Variants in SERPINH1 observed in about 807,000 individuals in gnomAD.
The protein encoded by SERPINH1 is serpin family H member 1.
A neutral mutation model predicts 32.3 loss-of-function variants in SERPINH1; 22 were observed. The observed-to-expected ratio is 0.68, with a 90% CI of 0.49 to 0.97. The LOEUF (loss-of-function observed/expected upper bound fraction) is 0.97. Ranked by LOEUF, SERPINH1 falls within the 50% of genes least tolerant of loss-of-function variation. The probability of loss-of-function intolerance (pLI) is 0.00; values close to 1 mark genes in which losing one functional copy is unlikely to be tolerated. For missense variants in SERPINH1, 543 were observed against 576.4 expected (o/e 0.94, Z 0.59); for synonymous variants, 251 against 245.9 (o/e 1.02, Z -0.19).
intron 1 of SERPINH1, among the ~76,000 whole-genome samples, chr11:75,563,974 G>A (rs571588973): frequency 6.6e-6 from 1 of 152,346 alleles, no homozygotes; most frequent in Non-Finnish European, 1.5e-5. Flanking sequence ...TGGGCTGTGG[G>A]AGGCTGGCCT....
At chr11:75,565,174 G>A (rs1291390067) in intron 1 of SERPINH1, among the ~76,000 whole-genome samples, 1 of 152,204 alleles carries the variant, frequency 6.6e-6, no homozygotes, top group African/African-American at 2.4e-5. Flanking sequence ...TTGTCCTTGG[G>A]GCCACTGCTA....
chr11:75,570,629 G>T (rs1201776920), intron 4 of SERPINH1, among the ~76,000 whole-genome samples: 1 of 152,228 alleles, frequency 6.6e-6, no homozygotes, highest in East Asian at 1.9e-4. Flanking sequence ...CAGGACCTCA[G>T]GCCTAGTTCC....
intron 1 of SERPINH1, 102 bp from the exon 2 acceptor site, chr11:75,566,214 C>T (rs1592199659): frequency 3.8e-6 from 4 of 1,064,530 alleles, no homozygotes; most frequent in East Asian, 2.6e-5. Flanking sequence ...GGCTCTCTTG[C>T]CCCCATCTCC....
intron 1 of SERPINH1, among the ~76,000 whole-genome samples, chr11:75,564,185 C>T (rs1181401940): frequency 6.6e-6 from 1 of 152,270 alleles, no homozygotes; most frequent in Non-Finnish European, 1.5e-5. Flanking sequence ...GGAAGCCCCC[C>T]TCTGCCGGCC....
chr11:75,567,705 G>A (rs1942116042), intron 2 of SERPINH1: 1 of 152,340 alleles, frequency 6.6e-6, no homozygotes, highest in Non-Finnish European at 1.5e-5. Flanking sequence ...TCAGCAAGGA[G>A]GAAGCAGAGC....
Position 75,572,183 on chromosome 11 carries a change from T to A in SERPINH1, c.*100T>A. 1.4e-5 allele frequency: 16 copies of A among 1,138,372 alleles called. No homozygotes were observed. The highest frequency in any genetic ancestry group is 1.7e-5 in the Non-Finnish European group (13 of 776,608). 70.5% of individuals were successfully genotyped at this position (1,138,372 alleles called of 1,614,324 possible). A position where few individuals can be genotyped will look rare whatever the true frequency, so the allele number is the denominator to read the frequency against. On this transcript the variant is annotated 3_prime_UTR_variant, in exon 5 of 5. Coordinates refer to ENST00000358171, the MANE Select transcript of SERPINH1 (RefSeq NM_001235.5). ...GGGGAGGTGAGGTACCAGCCTTGGA[T>A]ACTCCATGGGGTGGGGGTGGAAAAA...
At chr11:75,569,379 A>G in intron 4 of SERPINH1, 1 of 590,374 alleles carries the variant, frequency 1.7e-6, no homozygotes. Flanking sequence ...ATATAACGGA[A>G]CATTCCTGTA....
chr11:75,569,450 T>G, intron 4 of SERPINH1: 2 of 298,620 alleles, frequency 6.7e-6, no homozygotes, highest in South Asian at 5.6e-5. Flanking sequence ...TGAGATGGAG[T>G]CTCACTCTGT....
rs375913094 is a variant in SERPINH1, at chr11:75,571,945, C to T, written c.1119C>T (p.Arg373=). 4.2e-4 allele frequency: 670 copies of T among 1,614,074 alleles called. No homozygotes were observed. The highest frequency in any genetic ancestry group is 5.5e-4 in the Non-Finnish European group (651 of 1,180,052). ...CCTTTGACCAGGACATCTACGGGCG[C>T]GAGGAGCTGCGCAGCCCCAAGCTGT... ...GNPFDQDIYG[R]EELRSPKLFY... The change falls in exon 5 of 5, where the codon CGC becomes CGT. Residue 373 remains arginine, a synonymous_variant. Transcript: ENST00000358171.
Position 75,572,100 on chromosome 11 carries a change from C to T in SERPINH1, c.*17C>T. ...GAGTTATAGGGCCTCAGGGTGCACA[C>T]AGGATGGCAGGAGGCATCCAAAGGC... On this transcript the variant is annotated 3_prime_UTR_variant, in exon 5 of 5. Coordinates refer to ENST00000358171, the MANE Select transcript of SERPINH1 (RefSeq NM_001235.5). 1.2e-6 allele frequency: 2 copies of T among 1,612,974 alleles called. No individual in the cohort carries two copies. The highest frequency in any genetic ancestry group is 1.7e-6 in the Non-Finnish European group (2 of 1,179,512).
At position 75,567,322 on chromosome 11, in the gene SERPINH1, T is replaced by A. The variant is rs1008604766; in HGVS notation, c.622+351T>A. Among the ~76,000 whole-genome samples the A allele has an allele frequency of 5.9e-5, 9 of 152,354 alleles. No homozygotes were observed. In the East Asian group the frequency reaches 1.5e-3, roughly 26 times the overall value. ...AGAGAAAGAACTCAAATCCTTTTTT[T>A]AAAATTATTTTTATTTTGAGATGGA... On this transcript the variant is annotated intron_variant, in intron 2 of 4. Transcript: ENST00000358171.
At position 75,569,099 on chromosome 11, in the gene SERPINH1, G is replaced by A. The variant is rs759715144; in HGVS notation, c.882G>A (p.Met294Ile). ...LLTKEQLKIW[M>I]GKMQKKAVAI... is the part of the protein sequence containing the mutation. ...CCAAAGAGCAGCTGAAGATCTGGAT[G>A]GGGAAGATGCAGAAGAAGGCTGTTG... Residue 294 changes from methionine to isoleucine, a missense_variant, in exon 4 of 5, where the codon ATG becomes ATA. By Grantham distance (10) the Met-to-Ile change is conservative. This residue lies in a region of SERPINH1 where 427 missense variants were observed against 446.4 expected (regional missense o/e 0.96). Transcript: ENST00000358171. 6.2e-7 allele frequency: 1 copy of A among 1,614,220 alleles called. No individual in the cohort carries two copies. Among genetic ancestry groups the A allele is most frequent in the Non-Finnish European group, 8.5e-7 (1 of 1,180,010 alleles).
chr11:75,566,400 G>A lies in SERPINH1; in HGVS notation c.51G>A (p.Leu17=), dbSNP rs1320836204. 6.2e-7 allele frequency: 1 copy of A among 1,610,562 alleles called. No individual in the cohort carries two copies. The highest frequency in any genetic ancestry group is 8.5e-7 in the Non-Finnish European group (1 of 1,179,190). Residue 17 remains leucine, a synonymous_variant, in exon 2 of 5, where the codon CTG becomes CTA. Coordinates refer to ENST00000358171, the MANE Select transcript of SERPINH1 (RefSeq NM_001235.5). ...LSAFCLLEAA[L]AAEVKKPAAA... is the part of the protein sequence containing the mutation. ...CCTTCTGCCTCCTGGAGGCGGCCCTGGCCGCCGAGGTGAAGAAACCTGCAG... is the reference window on the plus strand; with the variant it reads ...CCTTCTGCCTCCTGGAGGCGGCCCTAGCCGCCGAGGTGAAGAAACCTGCAG...
Position 75,569,153 on chromosome 11 carries a change from G to A in SERPINH1, c.936G>A (p.Glu312=), listed in dbSNP as rs1417965468. 1 of 1,610,790 alleles carries A rather than the reference G, an allele frequency of 6.2e-7. No individual in the cohort carries two copies. The highest frequency in any genetic ancestry group is 1.7e-5 in the Admixed American group (1 of 59,436). ...VAISLPKGVV[E]VTHDLQKHLA... ...TCTCCTTGCCCAAGGGTGTGGTGGA[G>A]GTGACCCATGACCTGCAGGTAAGGG... The change falls in exon 4 of 5, where the codon GAG becomes GAA. Residue 312 remains glutamate, a synonymous_variant. Transcript: ENST00000358171.
intron 4 of SERPINH1, among the ~76,000 whole-genome samples, chr11:75,570,932 G>A (rs552241607): frequency 4.6e-5 from 7 of 152,290 alleles, no homozygotes; most frequent in African/African-American, 1.7e-4. Flanking sequence ...GGCCATCCAG[G>A]ATATAAGCTG....
Position 75,566,968 on chromosome 11 carries a change from A to C in SERPINH1, c.619A>C (p.Lys207Gln). ...GALLVNAMFF[K>Q]PHWDEKFHHK... is the part of the protein sequence containing the mutation. ...CCTGCTAGTCAACGCCATGTTCTTC[A>C]AGCGTGAGTCGGGGGCGCGTTCAGG... The change falls in exon 2 of 5, where the codon AAG becomes CAG. Residue 207 changes from lysine to glutamine, a missense_variant. Lys to Gln is a moderately conservative substitution (Grantham distance 53). Coordinates refer to ENST00000358171, the MANE Select transcript of SERPINH1 (RefSeq NM_001235.5). 6.3e-7 allele frequency: 1 copy of C among 1,596,608 alleles called. No homozygotes were observed. Among genetic ancestry groups the C allele is most frequent in the South Asian group, 1.1e-5 (1 of 90,968 alleles).
intron 2 of SERPINH1, 122 bp from the exon 3 acceptor site, chr11:75,568,609 A>G (rs1028515956): frequency 4.1e-6 from 3 of 723,194 alleles, no homozygotes; most frequent in African/African-American, 3.5e-5. Flanking sequence ...TGGGCCCTGA[A>G]GAATGGAGCA....
At position 75,569,158 on chromosome 11, in the gene SERPINH1, C is replaced by A; in HGVS notation, c.941C>A (p.Thr314Asn). 6.2e-7 allele frequency: 1 copy of A among 1,609,632 alleles called. No individual in the cohort carries two copies. The highest frequency in any genetic ancestry group is 8.5e-7 in the Non-Finnish European group (1 of 1,177,698). Residue 314 changes from threonine (T) to asparagine (N), a missense_variant, in exon 4 of 5, where the codon ACC becomes AAC. By Grantham distance (65) the Thr-to-Asn change is moderately conservative (BLOSUM62 0). Coordinates refer to ENST00000358171, the MANE Select transcript of SERPINH1 (RefSeq NM_001235.5). ...TTGCCCAAGGGTGTGGTGGAGGTGA[C>A]CCATGACCTGCAGGTAAGGGGTGGC... ...ISLPKGVVEV[T>N]HDLQKHLAGL...
In SERPINH1 at chr11:75,572,678, T is replaced by C. The variant is rs1213821001; in HGVS notation, c.*595T>C. 1 of 157,252 alleles carries C rather than the reference T, an allele frequency of 6.4e-6. No homozygotes were observed. The highest frequency in any genetic ancestry group is 2.4e-5 in the African/African-American group (1 of 41,472). 9.7% of individuals were successfully genotyped at this position (157,252 alleles called of 1,614,324 possible). ...CTTTTTGTTTTGTTTCTTCCTTTTT[T>C]AGTTCTTCAAAGATAGGGAGGGAAG... On this transcript the variant is annotated 3_prime_UTR_variant, in exon 5 of 5. Coordinates refer to ENST00000358171, the MANE Select transcript of SERPINH1 (RefSeq NM_001235.5).
Sources: gnomAD v4.1 joint callset for allele counts (sites outside exome capture counted in the v4.1 genomes callset) on GRCh38, gnomAD v4.1.1 for gene constraint, gnomAD v4.1.1 regional missense constraint, MANE v1.5 for transcripts, NCBI Gene and HGNC (gene_info 2026-07-23, HGNC 2026-07-21) for gene names.